The following SLC35F1 variants were observed in gnomAD, a reference collection of about 807,000 sequenced individuals.
SLC35F1 encodes the protein solute carrier family 35 member F1, also known as chromosome 6 open reading frame 169.
In SLC35F1, 14 loss-of-function variants were observed where a neutral mutation model predicts 48.7. The observed-to-expected ratio is 0.29, with a 90% CI of 0.19 to 0.45. The LOEUF (loss-of-function observed/expected upper bound fraction) is 0.45. Ranked by LOEUF, SLC35F1 falls within the 20% of genes least tolerant of loss-of-function variation. The probability of loss-of-function intolerance (pLI) is 1.00; values close to 1 mark genes in which losing one functional copy is unlikely to be tolerated. For synonymous variants in SLC35F1, 190 were observed against 202.2 expected (o/e 0.94, Z 0.51); for missense variants, 404 against 500.0 (o/e 0.81, Z 1.83).
At chr6:117,971,847 C>T (rs1363125922) in intron 1 of SLC35F1, among the ~76,000 whole-genome samples, 2 of 152,212 alleles carry the variant, frequency 1.3e-5, no homozygotes, top group Non-Finnish European at 2.9e-5. Context: ...CCCAGGAAAC[C>T]ATTTTTCCCT....
intron 2 of SLC35F1, among the ~76,000 whole-genome samples, chr6:118,166,279 A>C (rs571191981): frequency 8.5e-5 from 13 of 152,268 alleles, no homozygotes; most frequent in African/African-American, 3.1e-4. Flanking sequence ...GGAGAAGGCC[A>C]TGATATCACA....
intron 4 of SLC35F1, among the ~76,000 whole-genome samples, chr6:118,272,471 A>C (rs1320377202): frequency 6.6e-6 from 1 of 152,260 alleles, no homozygotes; most frequent in African/African-American, 2.4e-5. Context: ...ACATTGTGCA[A>C]AAATTGCTAT....
rs574007560 is a variant in SLC35F1, at chr6:118,121,974, A to G, written c.174-32471A>G. On this transcript the variant is annotated intron_variant, in intron 1 of 7. Transcript: ENST00000360388. ...GAAGTCAGTGTTGCCATGAAATCCTATGAGGGAGAGATTTCCCCCCATTTC... is the reference window on the plus strand; with the variant it reads ...GAAGTCAGTGTTGCCATGAAATCCTGTGAGGGAGAGATTTCCCCCCATTTC... Among the ~76,000 whole-genome samples the G allele has an allele frequency of 2.0e-4, 30 of 152,280 alleles. No homozygotes were observed. In the South Asian group the frequency reaches 6.0e-3, roughly 31 times the overall value.
At chr6:118,031,611 G>C (rs9320630) in intron 1 of SLC35F1, among the ~76,000 whole-genome samples, 35,416 of 152,130 alleles carry the variant, frequency 0.23, 4,342 homozygotes, top group East Asian at 0.36. Flanking sequence ...TCAAGGGTGA[G>C]CTGGAGTTAG....
rs886267734 is a variant in SLC35F1 at position 118,193,476 on chromosome 6, A to G, written c.349+38856A>G. The stretch of plus-strand genomic sequence containing the variant: ...CCTTCCACAACTTGTTCAAACTTTT[A>G]GCTTTATCCTATCTAATATAAAACA... On this transcript the variant is annotated intron_variant, in intron 2 of 7. Coordinates refer to ENST00000360388, the MANE Select transcript of SLC35F1 (RefSeq NM_001029858.4). Among the ~76,000 whole-genome samples, 41 of 152,304 alleles carry G rather than the reference A, an allele frequency of 2.7e-4. No individual in the cohort carries two copies. In the Middle Eastern group the frequency reaches 0.01, roughly 38 times the overall value.
At chr6:118,264,439 C>A (rs1009570831) in intron 3 of SLC35F1, among the ~76,000 whole-genome samples, 36 of 152,166 alleles carry the variant, frequency 2.4e-4, no homozygotes, top group African/African-American at 7.7e-4. Flanking sequence ...TTATATTCTT[C>A]TTTCCCTTCT....
At chr6:118,119,502 T>TCCCCCCCCCC (rs1183589970) in intron 1 of SLC35F1, among the ~76,000 whole-genome samples, 1 of 88,144 alleles carries the variant, frequency 1.1e-5, no homozygotes, top group African/African-American at 4.3e-5. Context: ...GCGCCCCCCC[T>TCCCCCCCCCC]CCACCCCGCT....
intron 1 of SLC35F1, among the ~76,000 whole-genome samples, chr6:118,113,769 A>G (rs991714763): frequency 3.9e-5 from 6 of 152,100 alleles, no homozygotes; most frequent in African/African-American, 1.4e-4. Flanking sequence ...TATGTTTCTG[A>G]CATTTCTCCC....
rs549623885 is a variant in SLC35F1 at position 118,048,036 on chromosome 6, A to G, written c.174-106409A>G. On this transcript the variant is annotated intron_variant, in intron 1 of 7. Coordinates refer to ENST00000360388, the MANE Select transcript of SLC35F1 (RefSeq NM_001029858.4). ...TGTGGGTTTGTCATAGATAGCTCTC[A>G]TTATTTTGAGATACATCCCATCAAT... Among the ~76,000 whole-genome samples the G allele has an allele frequency of 4.6e-5, 7 of 152,258 alleles. No homozygotes were observed. The South Asian group carries it at 1.0e-3, about 23-fold the overall frequency.
At chr6:118,313,755 C>T (rs1776397412) in intron 7 of SLC35F1, among the ~76,000 whole-genome samples, 1 of 152,158 alleles carries the variant, frequency 6.6e-6, no homozygotes, top group Non-Finnish European at 1.5e-5. Context: ...TTAACTAGTT[C>T]TCGCACCATA....
chr6:118,283,518 A>G (rs1776010044), intron 6 of SLC35F1, among the ~76,000 whole-genome samples: 2 of 152,186 alleles, frequency 1.3e-5, no homozygotes, highest in African/African-American at 4.8e-5. Flanking sequence ...AAATGATGGA[A>G]GGGTATTATT....
At chr6:118,020,343 G>T (rs1777377405) in intron 1 of SLC35F1, among the ~76,000 whole-genome samples, 1 of 152,300 alleles carries the variant, frequency 6.6e-6, no homozygotes, top group East Asian at 1.9e-4. Flanking sequence ...TTATTATACA[G>T]AAGTAAAGCT....
At chr6:118,285,852 A>C (rs1776042592) in intron 7 of SLC35F1, among the ~76,000 whole-genome samples, 2 of 152,198 alleles carry the variant, frequency 1.3e-5, no homozygotes, top group African/African-American at 4.8e-5. Context: ...GAGTAAAGGA[A>C]TGCAAAGAGA....
chr6:118,008,038 A>G (rs1480708284), intron 1 of SLC35F1, among the ~76,000 whole-genome samples: 1 of 152,140 alleles, frequency 6.6e-6, no homozygotes, highest in Non-Finnish European at 1.5e-5. Context: ...CTTTCAACAC[A>G]TGGATATTTG....
chr6:118,080,851 A>T (rs1772897283), intron 1 of SLC35F1, among the ~76,000 whole-genome samples: 2 of 152,164 alleles, frequency 1.3e-5, no homozygotes, highest in Non-Finnish European at 2.9e-5. Context: ...AAAAGCTGTT[A>T]ACAGTCGGTG....
intron 1 of SLC35F1, among the ~76,000 whole-genome samples, chr6:117,931,311 G>C (rs912774109): frequency 6.6e-6 from 1 of 152,118 alleles, no homozygotes; most frequent in Non-Finnish European, 1.5e-5. Context: ...TCAATAAAGT[G>C]GTTACAAAAA....
At chr6:118,211,901 C>T (rs1775005067) in intron 2 of SLC35F1, among the ~76,000 whole-genome samples, 2 of 152,138 alleles carry the variant, frequency 1.3e-5, no homozygotes, top group South Asian at 4.1e-4. Flanking sequence ...CAGGCATCCA[C>T]AGATAATAAA....
At chr6:118,069,738 G>C (rs1772670641) in intron 1 of SLC35F1, among the ~76,000 whole-genome samples, 1 of 152,186 alleles carries the variant, frequency 6.6e-6, no homozygotes, top group South Asian at 2.1e-4. Flanking sequence ...AAAATGGTTT[G>C]CTCAGTGTTA....
intron 1 of SLC35F1, among the ~76,000 whole-genome samples, chr6:117,957,968 C>T (rs780076665): frequency 3.3e-5 from 5 of 152,002 alleles, no homozygotes; most frequent in African/African-American, 4.8e-5. Flanking sequence ...GGAGGTGTTC[C>T]GAAAGAAGGC....
Sources: allele counts gnomAD v4.1 joint callset (sites outside exome capture counted in the v4.1 genomes callset), GRCh38; gene constraint gnomAD v4.1.1; transcripts MANE v1.5; gene names NCBI Gene and HGNC (gene_info 2026-07-23, HGNC 2026-07-21).